Variants in MPV17 observed in about 807,000 individuals in gnomAD.
The protein encoded by MPV17 is MPV17, mitochondrial inner membrane protein.
MPV17 carries 31 observed loss-of-function variants against 28.6 expected under a neutral mutation model. The observed-to-expected ratio is 1.08, with a 90% CI of 0.81 to 1.46. The LOEUF is 1.46. Ranked by LOEUF, MPV17 falls within the 40% of genes most tolerant of loss-of-function variation. The pLI, the probability that MPV17 is intolerant of heterozygous loss-of-function variation, is 0.00. For synonymous variants in MPV17, 87 were observed against 85.3 expected (o/e 1.02, Z -0.11); for missense variants, 198 against 216.2 (o/e 0.92, Z 0.53).
chr2:27,313,682 C>G (rs1027122895), intron 2 of MPV17, among the ~76,000 whole-genome samples: 3 of 152,136 alleles, frequency 2.0e-5, no homozygotes, highest in African/African-American at 7.2e-5. Flanking sequence ...TCACCTTGGT[C>G]TAGGGGATCT....
chr2:27,316,781 G>A, intron 2 of MPV17: 1 of 329,838 alleles, frequency 3.0e-6, no homozygotes, highest in Non-Finnish European at 5.6e-6. Context: ...AATGGCCAGA[G>A]GCCTGATGGG....
At position 27,317,446 on chromosome 2, in the gene MPV17, T is replaced by C. The variant is rs1299329446; in HGVS notation, c.71-4337A>G. 2.0e-5 allele frequency among the ~76,000 whole-genome samples: 3 copies of C among 151,846 alleles called. No homozygotes were observed. Among genetic ancestry groups the C allele is most frequent in the Non-Finnish European group, 4.4e-5 (3 of 67,982 alleles). ...GTATCTAAGCTCAGATCAGCTGGGG[T>C]TGCACTCAGCATCTGGAGGCTCCAG... On this transcript the variant is annotated intron_variant, in intron 2 of 7. Coordinates refer to ENST00000380044, the MANE Select transcript of MPV17 (RefSeq NM_002437.5). The surrounding 1 kb of genome is among the most constrained non-coding windows in gnomAD (Gnocchi z 4.0).
chr2:27,313,387 T>C (rs944415218), intron 2 of MPV17: 1 of 638,206 alleles, frequency 1.6e-6, no homozygotes, highest in Non-Finnish European at 2.7e-6. Context: ...TCAGAAAGTA[T>C]AGAGAGAGGA....
chr2:27,314,112 C>T (rs987728119), intron 2 of MPV17, among the ~76,000 whole-genome samples: 8 of 152,108 alleles, frequency 5.3e-5, no homozygotes, highest in Admixed American at 3.9e-4. Context: ...ATTGCTTGAG[C>T]CCAAGAGTTT....
At chr2:27,316,555 C>T (rs1679660812) in intron 2 of MPV17, among the ~76,000 whole-genome samples, 1 of 152,234 alleles carries the variant, frequency 6.6e-6, no homozygotes, top group African/African-American at 2.4e-5. Flanking sequence ...AGCAAGCCTG[C>T]TTTTCCAGCC....
Position 27,322,540 on chromosome 2 carries a change from G to A in MPV17, c.-5-18C>T. On this transcript the variant is annotated intron_variant, in intron 1 of 7. Transcript: ENST00000380044. ...CATGCTTCCTGTCAAGCCAAGAGGA[G>A]AGGGGGTCACCCCCACCGTCCCTCT... The A allele has an allele frequency of 6.2e-7, 1 of 1,610,958 alleles. No individual in the cohort carries two copies. Among genetic ancestry groups the A allele is most frequent in the Non-Finnish European group, 8.5e-7 (1 of 1,177,636 alleles).
In MPV17 at chr2:27,311,990, C is replaced by T. The variant is rs370221952; in HGVS notation, c.409-39G>A. ...TGTAAAGGTTGGATGGCTGCCCCACCACCTGACCCCAGACTCACTGTCTTG... is the reference window on the plus strand; with the variant it reads ...TGTAAAGGTTGGATGGCTGCCCCACTACCTGACCCCAGACTCACTGTCTTG... On this transcript the variant is annotated intron_variant, in intron 6 of 7. Coordinates refer to ENST00000380044, the MANE Select transcript of MPV17 (RefSeq NM_002437.5). The T allele has an allele frequency of 7.9e-5, 127 of 1,607,636 alleles. No homozygotes were observed. The Middle Eastern group carries it at 4.5e-3, about 57-fold the overall frequency.
intron 2 of MPV17, among the ~76,000 whole-genome samples, chr2:27,314,466 A>G (rs1335673250): frequency 6.6e-6 from 1 of 152,180 alleles, no homozygotes; most frequent in East Asian, 1.9e-4. Context: ...TCCCCCATTC[A>G]CAACCTTAGA....
intron 6 of MPV17, 121 bp downstream of exon 6, chr2:27,312,093 C>G: frequency 1.4e-6 from 2 of 1,448,482 alleles, no homozygotes; most frequent in Non-Finnish European, 1.9e-6. Flanking sequence ...TGGTGCCCAT[C>G]CTGGGAATGA....
Position 27,313,079 on chromosome 2 carries a change from G to A in MPV17, c.101C>T (p.Ser34Leu). The A allele has an allele frequency of 6.2e-7, 1 of 1,614,192 alleles. No individual in the cohort carries two copies. Among genetic ancestry groups the A allele is most frequent in the Non-Finnish European group, 8.5e-7 (1 of 1,180,050 alleles). The change falls in exon 3 of 8, where the codon TCA (serine) becomes TTA (leucine). Residue 34 changes from serine (S) to leucine (L), a missense_variant. Coordinates refer to ENST00000380044, the MANE Select transcript of MPV17 (RefSeq NM_002437.5). ...ACCCCGCCTCTCCACCAGCTGCTGTGAGATAATGTCACCCAGGCCCATCAG... is the reference window on the plus strand; with the variant it reads ...ACCCCGCCTCTCCACCAGCTGCTGTAAGATAATGTCACCCAGGCCCATCAG... ...GSLMGLGDII[S>L]QQLVERRGLQ... is the part of the protein sequence containing the mutation.
In MPV17 at chr2:27,309,806, C is replaced by T; in HGVS notation, c.*106G>A. 2 of 903,670 alleles carry T rather than the reference C, an allele frequency of 2.2e-6. No individual in the cohort carries two copies. The highest frequency in any genetic ancestry group is 5.0e-5 in the East Asian group (2 of 40,012). 56.0% of individuals were successfully genotyped at this position (903,670 alleles called of 1,614,324 possible). A position where few individuals can be genotyped will look rare whatever the true frequency, so the allele number is the denominator to read the frequency against. Reference sequence around the variant, plus strand: ...GCTAGTCCTCTTAAGCTCTGACCGGCAACCCAACCCCGTGGAAACTGGTAT... The same window carrying T: ...GCTAGTCCTCTTAAGCTCTGACCGGTAACCCAACCCCGTGGAAACTGGTAT... On this transcript the variant is annotated 3_prime_UTR_variant, in exon 8 of 8. Coordinates refer to ENST00000380044, the MANE Select transcript of MPV17 (RefSeq NM_002437.5).
At chr2:27,322,858 TG>T (rs1479524329) in intron 1 of MPV17, among the ~76,000 whole-genome samples, 193 bp downstream of exon 1, 2 of 152,198 alleles carry the variant, frequency 1.3e-5, no homozygotes, top group Non-Finnish European at 2.9e-5. Flanking sequence ...ACCCAGAGCT[TG>T]GGTGCCTCAA....
At chr2:27,311,678 C>G (rs770621757) in intron 7 of MPV17, 2 of 1,550,882 alleles carry the variant, frequency 1.3e-6, no homozygotes, top group East Asian at 4.9e-5. Flanking sequence ...AGGATCCTCC[C>G]TAGGGAGATG....
chr2:27,315,304 G>T (rs888268717), intron 2 of MPV17, among the ~76,000 whole-genome samples: 10 of 152,314 alleles, frequency 6.6e-5, no homozygotes, highest in African/African-American at 2.2e-4. Flanking sequence ...GGAACTGCAG[G>T]TTTGCTCCCA....
chr2:27,315,500 C>T (rs1314633821), intron 2 of MPV17, among the ~76,000 whole-genome samples: 1 of 152,212 alleles, frequency 6.6e-6, no homozygotes, highest in Non-Finnish European at 1.5e-5. Context: ...GACTCTTATA[C>T]ATTTAATCCT....
intron 5 of MPV17, 35 bp from the exon 6 acceptor site, chr2:27,312,281 C>G (rs372125579): frequency 1.2e-6 from 2 of 1,610,920 alleles, no homozygotes; most frequent in South Asian, 2.2e-5. Flanking sequence ...TTAACACTTG[C>G]GCCTCCAAGC....
chr2:27,315,938 C>T, intron 2 of MPV17: 2 of 1,452,482 alleles, frequency 1.4e-6, no homozygotes, highest in Non-Finnish European at 1.8e-6. Flanking sequence ...GAACCCAGGC[C>T]TTCTCTCAAG....
chr2:27,311,918 G>C lies in MPV17; in HGVS notation c.442C>G (p.Leu148Val). 1 of 1,613,850 alleles carries C rather than the reference G, an allele frequency of 6.2e-7. No homozygotes were observed. The highest frequency in any genetic ancestry group is 8.5e-7 in the Non-Finnish European group (1 of 1,179,990). Residue 148 changes from leucine (L) to valine (V), a missense_variant, in exon 7 of 8, where the codon CTG (leucine) becomes GTG (valine). By Grantham distance (32) the Leu-to-Val change is conservative. Coordinates refer to ENST00000380044, the MANE Select transcript of MPV17 (RefSeq NM_002437.5). ...WPAVQLANFY[L>V]VPLHYRLAVV... is the part of the protein sequence containing the mutation. ...ACATACCTGTAATGAAGGGGGACCAGGTAGAAGTTGGCTAACTGCACAGCA... is the reference window on the plus strand; with the variant it reads ...ACATACCTGTAATGAAGGGGGACCACGTAGAAGTTGGCTAACTGCACAGCA...
At chr2:27,321,844 G>T (rs1303434432) in intron 2 of MPV17, 2 of 155,202 alleles carry the variant, frequency 1.3e-5, no homozygotes, top group Non-Finnish European at 2.9e-5. Flanking sequence ...AAAAGCAAAT[G>T]AACGATATAA....
Sources: allele counts gnomAD v4.1 joint callset (sites outside exome capture counted in the v4.1 genomes callset), GRCh38; gene constraint gnomAD v4.1.1; non-coding constraint Gnocchi (gnomAD v3.1); transcripts MANE v1.5; gene names NCBI Gene and HGNC (gene_info 2026-07-23, HGNC 2026-07-21).